Variants in FARP1 observed in about 807,000 individuals in gnomAD.
FARP1 encodes the protein FERM, ARHGEF and pleckstrin domain-containing protein 1.
Under a neutral mutation model 128.8 loss-of-function variants are expected in FARP1, and 52 were observed. The ratio of observed to expected loss-of-function variants is 0.40; its 90% CI spans 0.32 to 0.51. FARP1 has a LOEUF of 0.51. Among genes scored for constraint, FARP1 ranks in the 20% least tolerant of loss-of-function variants. FARP1 has a pLI of 0.45. For synonymous variants in FARP1, 580 were observed against 551.8 expected, an observed-to-expected ratio of 1.05 and a Z score of -0.72; for missense variants, 1,333 against 1,367.9, an observed-to-expected ratio of 0.97 and a Z score of 0.40.
At chr13:98,318,397 G>A (rs751284608) in intron 2 of FARP1, among the ~76,000 whole-genome samples, 9 of 152,124 alleles carry the variant, frequency 5.9e-5, no homozygotes, top group East Asian at 3.9e-4. Flanking sequence ...GGATCAGGGC[G>A]GCATCGTTAC....
chr13:98,408,257 T>C (rs1891051891), intron 13 of FARP1, among the ~76,000 whole-genome samples: 1 of 152,018 alleles, frequency 6.6e-6, no homozygotes, highest in Non-Finnish European at 1.5e-5. Context: ...TTTGCAAAAG[T>C]GTATTGGCAA....
chr13:98,324,289 A>G (rs1887135260), intron 2 of FARP1, among the ~76,000 whole-genome samples: 1 of 152,194 alleles, frequency 6.6e-6, no homozygotes, highest in African/African-American at 2.4e-5. Context: ...TTTCATGAGG[A>G]AATCTTGGCG....
Position 98,153,534 on chromosome 13 carries a change from A to G in FARP1, c.-24+10042A>G, listed in dbSNP as rs58878071. On this transcript the variant is annotated intron_variant, in intron 1 of 26. Transcript: ENST00000319562. ...AAATATATATTTATATATATATTATATATAAATATGTATAAATATATATTT... is the reference window on the plus strand; with the variant it reads ...AAATATATATTTATATATATATTATGTATAAATATGTATAAATATATATTT... 4.6e-3 allele frequency among the ~76,000 whole-genome samples: 351 copies of G among 77,054 alleles called. 5 individuals carry two copies. The highest frequency in any genetic ancestry group is 0.013 in the African/African-American group (318 of 24,606). 50.6% of individuals were successfully genotyped at this position (77,054 alleles called of 152,430 possible). A position where few individuals can be genotyped will look rare whatever the true frequency, so the allele number is the denominator to read the frequency against.
At chr13:98,312,774 G>A (rs1384263650) in intron 2 of FARP1, among the ~76,000 whole-genome samples, 3 of 152,076 alleles carry the variant, frequency 2.0e-5, no homozygotes, top group East Asian at 1.9e-4. Flanking sequence ...ACAGAGCCGC[G>A]GCGTTTTCTT....
chr13:98,176,373 C>T lies in FARP1; in HGVS notation c.-24+32881C>T, dbSNP rs1284696946. 33 of 1,614,060 alleles carry T rather than the reference C, an allele frequency of 2.0e-5. No homozygotes were observed. Among genetic ancestry groups the T allele is most frequent in the Admixed American group, 3.3e-5 (2 of 60,004 alleles). On this transcript the variant is annotated intron_variant, in intron 1 of 26. Transcript: ENST00000319562. This position sits in a 1 kb window ranked among gnomAD's most constrained non-coding sequence, Gnocchi z 6.2. ...TTGGCTGGTCACAGATGTAGCAGCG[C>T]GGGGTGGCCCGGAAGTGCTCCAGCG...
At chr13:98,373,361 T>C (rs181364751) in intron 5 of FARP1, among the ~76,000 whole-genome samples, 36 of 152,222 alleles carry the variant, frequency 2.4e-4, no homozygotes, top group African/African-American at 8.7e-4. Flanking sequence ...CATGAAGCCC[T>C]CCTATTTAAT....
At chr13:98,349,098 G>A (rs1888298918) in intron 3 of FARP1, among the ~76,000 whole-genome samples, 1 of 152,208 alleles carries the variant, frequency 6.6e-6, no homozygotes, top group African/African-American at 2.4e-5. Flanking sequence ...ATTGAGGCTA[G>A]CTGGAAAAGC....
intron 1 of FARP1, among the ~76,000 whole-genome samples, chr13:98,145,628 T>C (rs1008210205): frequency 2.6e-5 from 4 of 152,188 alleles, no homozygotes; most frequent in African/African-American, 9.7e-5. Context: ...CCCAGCACTT[T>C]GGGAGACCGA....
At chr13:98,158,626 C>T (rs891257425) in intron 1 of FARP1, among the ~76,000 whole-genome samples, 1 of 152,102 alleles carries the variant, frequency 6.6e-6, no homozygotes. Flanking sequence ...ATAGTAACTC[C>T]AAAGTCACAT....
intron 2 of FARP1, chr13:98,333,550 C>T (rs373780179): frequency 6.6e-6 from 1 of 151,910 alleles, no homozygotes; most frequent in Non-Finnish European, 1.5e-5. Context: ...GTGGTTGTGT[C>T]GTTGCTCCAT....
At position 98,179,661 on chromosome 13, in the gene FARP1, G is replaced by A. The variant is rs538069828; in HGVS notation, c.-23-33559G>A. Among the ~76,000 whole-genome samples the A allele has an allele frequency of 3.3e-5, 5 of 151,978 alleles. No individual in the cohort carries two copies. In the South Asian group the frequency reaches 6.3e-4, roughly 19 times the overall value. The stretch of plus-strand genomic sequence containing the variant: ...AGGTGGATCACGAGGTCAGGAGATC[G>A]AGACCATCCTGGTCTACCCCATCTC... On this transcript the variant is annotated intron_variant, in intron 1 of 26. Transcript: ENST00000319562.
Position 98,450,372 on chromosome 13 carries a change from G to A in FARP1, c.*2055G>A, listed in dbSNP as rs1256393856. On this transcript the variant is annotated 3_prime_UTR_variant, in exon 27 of 27. Coordinates refer to ENST00000319562, the MANE Select transcript of FARP1 (RefSeq NM_005766.4). ...TATAAACTGACAGTGTTTTGCCAGA[G>A]GAAAGGTACAAAATGCTACATACAG... The A allele has an allele frequency of 1.3e-5, 2 of 152,192 alleles. No homozygotes were observed. The highest frequency in any genetic ancestry group is 4.8e-5 in the African/African-American group (2 of 41,438). 9.4% of individuals were successfully genotyped at this position (152,192 alleles called of 1,614,324 possible).
intron 2 of FARP1, among the ~76,000 whole-genome samples, chr13:98,239,128 C>T (rs905457873): frequency 3.3e-5 from 5 of 152,156 alleles, no homozygotes; most frequent in Non-Finnish European, 7.3e-5. Flanking sequence ...TGAAGATTTA[C>T]TGCAGTTGTG....
intron 4 of FARP1, among the ~76,000 whole-genome samples, chr13:98,367,489 C>CT (rs200185112): frequency 0.075 from 10,782 of 144,408 alleles, 976 homozygotes; most frequent in African/African-American, 0.22. Context: ...TGTTTTCTTT[C>CT]TTTTTTTTTT....
In FARP1 at chr13:98,309,153, C is replaced by CTTTTTTTTTTTT. The variant is rs56030081; in HGVS notation, c.172-34590_172-34579dup. Among the ~76,000 whole-genome samples, 3 of 89,668 alleles carry CTTTTTTTTTTTT rather than the reference C, an allele frequency of 3.3e-5. 1 individual carries two copies. The highest frequency in any genetic ancestry group is 1.3e-4 in the African/African-American group (3 of 22,790). The allele number at this position is 89,668 out of a possible 152,430, so 58.8% of individuals were successfully genotyped here. ...TATATTAATATTAATTTTAAGAGGC[C>CTTTTTTTTTTTT]TTTTTTTTTTTTTTTTTTTTTTTTT... On this transcript the variant is annotated intron_variant, in intron 2 of 26. Coordinates refer to ENST00000319562, the MANE Select transcript of FARP1 (RefSeq NM_005766.4).
At chr13:98,179,889 T>C (rs1175185825) in intron 1 of FARP1, among the ~76,000 whole-genome samples, 2 of 148,286 alleles carry the variant, frequency 1.3e-5, no homozygotes, top group African/African-American at 2.5e-5. Flanking sequence ...CAAAAAACTT[T>C]TGACTTAATT....
In FARP1 at chr13:98,431,113, G is replaced by T. The variant is rs771579289; in HGVS notation, c.1976G>T (p.Arg659Leu). 2 of 1,614,022 alleles carry T rather than the reference G, an allele frequency of 1.2e-6. No homozygotes were observed. The highest frequency in any genetic ancestry group is 1.7e-6 in the Non-Finnish European group (2 of 1,180,032). Residue 659 changes from arginine to leucine, a missense_variant, in exon 18 of 27, where the codon CGG becomes CTG. Around this residue, in one of 2 missense-constraint regions of FARP1, gnomAD observed 1,009 missense variants for 969.8 expected, o/e 1.04. Coordinates refer to ENST00000319562, the MANE Select transcript of FARP1 (RefSeq NM_005766.4). ...EALENGIKSSRRLENFCRDFE... is the reference protein window; with the variant it reads ...EALENGIKSSLRLENFCRDFE... Reference sequence around the variant, plus strand: ...CTGGAGAATGGAATCAAGAGCTCCCGGCGGCTGGAGAACTTCTGCAGAGAC... The same window carrying T: ...CTGGAGAATGGAATCAAGAGCTCCCTGCGGCTGGAGAACTTCTGCAGAGAC...
intron 13 of FARP1, among the ~76,000 whole-genome samples, chr13:98,408,905 T>C (rs115385851): frequency 0.011 from 1,687 of 152,340 alleles, 35 homozygotes; most frequent in African/African-American, 0.038. Context: ...CGGGACGTAG[T>C]GTGTCCTAAG....
intron 2 of FARP1, 38 bp from the exon 3 acceptor site, chr13:98,343,724 C>T (rs745501261): frequency 2.1e-6 from 3 of 1,408,654 alleles, no homozygotes; most frequent in South Asian, 2.3e-5. Context: ...TTCATCCGTG[C>T]CTGCCTCAGG....
Sources: gnomAD v4.1 joint callset for allele counts (sites outside exome capture counted in the v4.1 genomes callset) on GRCh38, gnomAD v4.1.1 for gene constraint, gnomAD v4.1.1 regional missense constraint, Gnocchi (gnomAD v3.1) non-coding constraint, MANE v1.5 for transcripts, NCBI Gene and HGNC (gene_info 2026-07-23, HGNC 2026-07-21) for gene names.